LRP1: variants seen among roughly 807,000 people sequenced by gnomAD.
The protein encoded by LRP1 is LDL receptor related protein 1.
Under a neutral mutation model 541.5 loss-of-function variants are expected in LRP1, and 51 were observed. That is an observed-to-expected ratio of 0.09 (90% CI 0.08 to 0.12). The LOEUF is 0.12. Ranked by LOEUF, LRP1 falls within the 10% of genes least tolerant of loss-of-function variation. LRP1 has a pLI of 1.00. For missense variants in LRP1, 3,878 were observed against 6,376.2 expected, an observed-to-expected ratio of 0.61 and a Z score of 13.34; for synonymous variants, 2,219 against 2,470.8, an observed-to-expected ratio of 0.90 and a Z score of 3.02.
intron 20 of LRP1, among the ~76,000 whole-genome samples, chr12:57,170,746 G>T (rs2035929664): frequency 6.6e-6 from 1 of 152,130 alleles, no homozygotes; most frequent in African/African-American, 2.4e-5. Context: ...AGCCCAGGAG[G>T]TTGAGGCTGC....
chr12:57,204,231 C>G lies in LRP1; in HGVS notation c.10952-179C>G. 2 of 674,684 alleles carry G rather than the reference C, an allele frequency of 3.0e-6. No individual in the cohort carries two copies. Among genetic ancestry groups the G allele is most frequent in the South Asian group, 2.9e-5 (1 of 33,930 alleles). 41.8% of individuals were successfully genotyped at this position (674,684 alleles called of 1,614,324 possible). A position where few individuals can be genotyped will look rare whatever the true frequency, so the allele number is the denominator to read the frequency against. On this transcript the variant is annotated intron_variant, in intron 70 of 88. Transcript: ENST00000243077. The surrounding 1 kb of genome is among the most constrained non-coding windows in gnomAD (Gnocchi z 5.3). Reference sequence around the variant, plus strand: ...ACCCCTGAAAAATGGCCTCTTCTCCCCTAAATACCAGAGGGGGCAGTTTGG... The same window carrying G: ...ACCCCTGAAAAATGGCCTCTTCTCCGCTAAATACCAGAGGGGGCAGTTTGG...
Position 57,173,308 on chromosome 12 carries a change from C to T in LRP1, c.3304C>T (p.His1102Tyr). The change falls in exon 21 of 89, where the codon CAC becomes TAC. Residue 1102 changes from histidine to tyrosine, a missense_variant. Physicochemically the swap from His to Tyr is moderately conservative, Grantham distance 83. Around this residue, in one of 13 missense-constraint regions of LRP1, gnomAD observed 320 missense variants for 547.9 expected, o/e 0.58. Transcript: ENST00000243077. This position sits in a 1 kb window ranked among gnomAD's most constrained non-coding sequence, Gnocchi z 4.7. ...TGAGAAGAGCTGTGAGGGAGTGACC[C>T]ACGTCTGCGATCCCAGTGTCAAGTT... Reference protein sequence around the residue: ...SDEKSCEGVTHVCDPSVKFGC... With the variant: ...SDEKSCEGVTYVCDPSVKFGC... The T allele has an allele frequency of 6.2e-7, 1 of 1,614,050 alleles. No individual in the cohort carries two copies. Among genetic ancestry groups the T allele is most frequent in the Non-Finnish European group, 8.5e-7 (1 of 1,179,950 alleles).
intron 42 of LRP1, among the ~76,000 whole-genome samples, chr12:57,188,854 G>A (rs575883556): frequency 1.3e-5 from 2 of 152,350 alleles, no homozygotes; most frequent in East Asian, 1.9e-4. Context: ...GTTAGCCAGC[G>A]TCTGAGGATG....
At position 57,193,935 on chromosome 12, in the gene LRP1, A is replaced by T. The variant is rs1195876832; in HGVS notation, c.7841A>T (p.Asp2614Val). The change falls in exon 48 of 89, where the codon GAC (aspartate) becomes GTC (valine). Residue 2614 changes from aspartate to valine, a missense_variant. By Grantham distance (152) the Asp-to-Val change is radical (BLOSUM62 -3). This residue lies in a region of LRP1 where 1,100 missense variants were observed against 1,827.4 expected (regional missense o/e 0.60). Transcript: ENST00000243077. ...GGTGTGGGCGAGTTCCGCTGCCGGG[A>T]CGGGACCTGCATCGGGAACTCCAGC... ...ACGVGEFRCR[D>V]GTCIGNSSRC... The T allele has an allele frequency of 3.1e-6, 5 of 1,613,882 alleles. No homozygotes were observed. The highest frequency in any genetic ancestry group is 4.2e-6 in the Non-Finnish European group (5 of 1,180,008).
At chr12:57,145,627 T>C (rs1230881880) in intron 6 of LRP1, 137 bp downstream of exon 6, 4 of 1,166,114 alleles carry the variant, frequency 3.4e-6, no homozygotes, top group Non-Finnish European at 4.9e-6. Flanking sequence ...CTGGATACAA[T>C]GGTGTGTGTT....
rs772305392 is a variant in LRP1, at chr12:57,199,216, G to A, written c.9681G>A (p.Leu3227=). 7 of 1,613,146 alleles carry A rather than the reference G, an allele frequency of 4.3e-6. No homozygotes were observed. The African/African-American group carries it at 5.3e-5, about 12-fold the overall frequency. ...GCCTGCCCCTTGGCCCTGCAGTGCT[G>A]AGCCAGGACATCCCGCACATCTTTG... ...SLDGSNRHVV[L]SQDIPHIFAL... is the part of the protein sequence containing the mutation. The change falls in exon 61 of 89, where the codon CTG becomes CTA. Residue 3227 remains leucine, a synonymous_variant. Transcript: ENST00000243077.
At chr12:57,166,237 G>A (rs2035837250) in intron 17 of LRP1, 28 bp downstream of exon 17, 1 of 1,573,988 alleles carries the variant, frequency 6.4e-7, no homozygotes, top group African/African-American at 1.4e-5. Flanking sequence ...GATCACACGA[G>A]GCACCCCTCA....
intron 43 of LRP1, 85 bp downstream of exon 43, chr12:57,191,094 C>T: frequency 7.1e-7 from 1 of 1,409,004 alleles, no homozygotes; most frequent in Non-Finnish European, 9.7e-7. Context: ...CGTCCAGGCA[C>T]AGACATGGTG....
At chr12:57,207,539 A>G (rs1369011137) in intron 76 of LRP1, among the ~76,000 whole-genome samples, 3 of 151,624 alleles carry the variant, frequency 2.0e-5, no homozygotes, top group East Asian at 3.9e-4. Flanking sequence ...TCAAAAAAAA[A>G]AAAAAGAAAA....
chr12:57,133,863 G>A (rs935152931), intron 1 of LRP1, among the ~76,000 whole-genome samples: 2 of 151,808 alleles, frequency 1.3e-5, no homozygotes, highest in Non-Finnish European at 2.9e-5. Flanking sequence ...CCTTGCTCTC[G>A]CTCCCTCAAG....
intron 19 of LRP1, among the ~76,000 whole-genome samples, 193 bp from the exon 20 acceptor site, chr12:57,168,947 A>C (rs1020497992): frequency 8.6e-5 from 13 of 150,908 alleles, no homozygotes; most frequent in East Asian, 2.0e-4. Flanking sequence ...CCTCCTCCTC[A>C]TCCTGACCAC....
chr12:57,208,877 G>A, intron 78 of LRP1, 60 bp downstream of exon 78: 1 of 1,402,460 alleles, frequency 7.1e-7, no homozygotes, highest in Non-Finnish European at 1.0e-6. Flanking sequence ...GCAGAGCCCA[G>A]CTGCTGCTGA....
At position 57,165,774 on chromosome 12, in the gene LRP1, T is replaced by G. The variant is rs750233039; in HGVS notation, c.2531-31T>G. The G allele has an allele frequency of 6.2e-7, 1 of 1,601,888 alleles. No individual in the cohort carries two copies. The highest frequency in any genetic ancestry group is 8.5e-7 in the Non-Finnish European group (1 of 1,169,700). ...ACTTGTCCCACGACCGGGGTCTGAC[T>G]TTCCCCCTCACGATCCTGTGGTGCC... On this transcript the variant is annotated intron_variant, in intron 15 of 88. Transcript: ENST00000243077. The surrounding 1 kb of genome is among the most constrained non-coding windows in gnomAD (Gnocchi z 4.5).
chr12:57,198,376 G>A (rs1413359858), intron 59 of LRP1, 33 bp downstream of exon 59: 1 of 1,606,770 alleles, frequency 6.2e-7, no homozygotes, highest in South Asian at 1.1e-5. Flanking sequence ...GGGAGCCCCT[G>A]AAAGCAGCAT....
chr12:57,173,137 C>T lies in LRP1; in HGVS notation c.3164-31C>T. 6.4e-7 allele frequency: 1 copy of T among 1,563,574 alleles called. No homozygotes were observed. The highest frequency in any genetic ancestry group is 1.7e-5 in the Admixed American group (1 of 57,270). ...GGAGGGCTGACCTGGGCAACCCCTC[C>T]CTCCTGAGGCCCTCCACTGTCCCTC... On this transcript the variant is annotated intron_variant, in intron 20 of 88. Coordinates refer to ENST00000243077, the MANE Select transcript of LRP1 (RefSeq NM_002332.3). The surrounding 1 kb of genome is among the most constrained non-coding windows in gnomAD (Gnocchi z 4.7).
At position 57,138,645 on chromosome 12, in the gene LRP1, G is replaced by A. The variant is rs2035223644; in HGVS notation, c.190+64G>A. On this transcript the variant is annotated intron_variant, in intron 2 of 88. Coordinates refer to ENST00000243077, the MANE Select transcript of LRP1 (RefSeq NM_002332.3). ...ACTTATCCCTCTTCCTTTGGCAGAT[G>A]TTTGGGAGGAGGACAGCTGATCCCT... 19 of 1,594,410 alleles carry A rather than the reference G, an allele frequency of 1.2e-5. No individual in the cohort carries two copies. The South Asian group carries it at 1.2e-4, about 10-fold the overall frequency.
Position 57,204,914 on chromosome 12 carries a change from A to G in LRP1, c.11194+165A>G. 1 of 1,352,740 alleles carries G rather than the reference A, an allele frequency of 7.4e-7. No individual in the cohort carries two copies. The highest frequency in any genetic ancestry group is 1.0e-6 in the Non-Finnish European group (1 of 1,000,844). 83.8% of individuals were successfully genotyped at this position (1,352,740 alleles called of 1,614,324 possible). A position where few individuals can be genotyped will look rare whatever the true frequency, so the allele number is the denominator to read the frequency against. On this transcript the variant is annotated intron_variant, in intron 72 of 88. Transcript: ENST00000243077. The surrounding 1 kb of genome is among the most constrained non-coding windows in gnomAD (Gnocchi z 5.3). The stretch of plus-strand genomic sequence containing the variant: ...CTGGGGGCTTTTCGTTAGGAAAGAG[A>G]AGCCCCTGGGGAAGGCTCTGGGGGC...
chr12:57,173,735 C>T lies in LRP1; in HGVS notation c.3347-45C>T, dbSNP rs1233486226. ...GGTCTGGAAGGAAGGGCAGGGGGAG[C>T]CCCAGTCCCCGGGCCTGGGCCCTCA... On this transcript the variant is annotated intron_variant, in intron 21 of 88. Coordinates refer to ENST00000243077, the MANE Select transcript of LRP1 (RefSeq NM_002332.3). The surrounding 1 kb of genome is among the most constrained non-coding windows in gnomAD (Gnocchi z 4.7). 8.3e-6 allele frequency: 13 copies of T among 1,573,174 alleles called. No homozygotes were observed. The highest frequency in any genetic ancestry group is 4.4e-6 in the Non-Finnish European group (5 of 1,143,082).
chr12:57,131,368 G>A (rs2035036183), intron 1 of LRP1, among the ~76,000 whole-genome samples: 1 of 152,160 alleles, frequency 6.6e-6, no homozygotes, highest in Admixed American at 6.5e-5. Context: ...TGGAGAATGG[G>A]ACTATTGAGG....
Sources: allele counts gnomAD v4.1 joint callset (sites outside exome capture counted in the v4.1 genomes callset), GRCh38; gene constraint gnomAD v4.1.1; regional missense constraint gnomAD v4.1.1; non-coding constraint Gnocchi (gnomAD v3.1); transcripts MANE v1.5; gene names NCBI Gene and HGNC (gene_info 2026-07-23, HGNC 2026-07-21).